The following HSPA12A variants were observed in gnomAD, a reference collection of about 807,000 sequenced individuals.
HSPA12A encodes heat shock protein family A (Hsp70) member 12A, also known as heat shock 70 kDa protein 12A.
HSPA12A carries 28 observed loss-of-function variants against 69.2 expected under a neutral mutation model. The observed-to-expected ratio is 0.40, with a 90% CI of 0.30 to 0.55. The LOEUF is 0.55. HSPA12A is among the 20% of genes least tolerant of loss of function. The pLI is 0.38. For synonymous variants in HSPA12A, 345 were observed against 370.5 expected (o/e 0.93, Z 0.79); for missense variants, 686 against 900.7 (o/e 0.76, Z 3.05).
chr10:116,758,189 G>T lies in HSPA12A; in HGVS notation c.92-50904C>A, dbSNP rs187126009. On this transcript the variant is annotated intron_variant, in intron 2 of 12. Transcript: ENST00000635765. ...TAGGTACCTAACAGCCTTCAGCGAA[G>T]GTACCTTGATACATGGATTTCAGTC... is the stretch of plus-strand genomic sequence containing the variant. Among the ~76,000 whole-genome samples the T allele has an allele frequency of 4.3e-4, 66 of 152,266 alleles. No homozygotes were observed. The Middle Eastern group carries it at 0.01, about 24-fold the overall frequency.
chr10:116,683,752 G>T (rs3740575), intron 7 of HSPA12A, 39 bp downstream of exon 7: 20,601 of 1,466,534 alleles, frequency 0.014, 495 homozygotes, highest in East Asian at 0.11. Context: ...GGCTTGGGAA[G>T]GAAGGAGAGC....
intron 1 of HSPA12A, among the ~76,000 whole-genome samples, chr10:116,843,091 A>C (rs1292816011): frequency 2.0e-5 from 3 of 152,200 alleles, no homozygotes; most frequent in African/African-American, 7.2e-5. Flanking sequence ...TGAACAAATG[A>C]CTGGAAGGCT....
Position 116,674,524 on chromosome 10 carries a change from T to C in HSPA12A, c.*257A>G. 1 of 523,236 alleles carries C rather than the reference T, an allele frequency of 1.9e-6. No homozygotes were observed. The highest frequency in any genetic ancestry group is 2.3e-5 in the South Asian group (1 of 42,718). The allele number at this position is 523,236 out of a possible 1,614,324, so 32.4% of individuals were successfully genotyped here. A position where few individuals can be genotyped will look rare whatever the true frequency, so the allele number is the denominator to read the frequency against. On this transcript the variant is annotated 3_prime_UTR_variant, in exon 12 of 12. Transcript: ENST00000369209. ...TTCTCCGTGGCCATTTCACCACTTT[T>C]GTACCTATGAAAACTAGCTGCTCCT...
chr10:116,793,024 T>C (rs980221941), intron 2 of HSPA12A, among the ~76,000 whole-genome samples: 1 of 152,204 alleles, frequency 6.6e-6, no homozygotes. Flanking sequence ...ATGATTCATT[T>C]GATGTGCTGT....
At chr10:116,767,386 C>T (rs1425204671) in intron 2 of HSPA12A, among the ~76,000 whole-genome samples, 4 of 152,182 alleles carry the variant, frequency 2.6e-5, no homozygotes, top group African/African-American at 4.8e-5. Flanking sequence ...TGCAGACAAG[C>T]AGCACTGTCC....
upstream of HSPA12A, among the ~76,000 whole-genome samples, chr10:116,744,350 C>T (rs900667309): frequency 3.3e-5 from 5 of 152,226 alleles, no homozygotes. Context: ...GCCAGGGGGG[C>T]CCTCCTCAGT....
intron 2 of HSPA12A, among the ~76,000 whole-genome samples, chr10:116,817,029 A>C (rs981661167): frequency 2.0e-5 from 3 of 152,200 alleles, no homozygotes; most frequent in Non-Finnish European, 4.4e-5. Flanking sequence ...AGTTTGCTGG[A>C]ATCATCTGGA....
chr10:116,795,273 G>T (rs1204567913), intron 2 of HSPA12A, among the ~76,000 whole-genome samples: 2 of 152,114 alleles, frequency 1.3e-5, no homozygotes, highest in East Asian at 3.8e-4. Context: ...GATTTTCAGT[G>T]TACTTGGGCA....
intron 2 of HSPA12A, among the ~76,000 whole-genome samples, chr10:116,780,186 G>A (rs1844433306): frequency 6.6e-6 from 1 of 152,148 alleles, no homozygotes; most frequent in African/African-American, 2.4e-5. Context: ...ACCATACCTG[G>A]AGCTAGTCTA....
chr10:116,762,928 C>T (rs1054420099), intron 2 of HSPA12A, among the ~76,000 whole-genome samples: 1 of 152,172 alleles, frequency 6.6e-6, no homozygotes, highest in Admixed American at 6.5e-5. Context: ...GGGAAGTCTT[C>T]CCTGGTAATC....
chr10:116,757,845 G>C (rs1195385240), intron 2 of HSPA12A, among the ~76,000 whole-genome samples: 2 of 152,180 alleles, frequency 1.3e-5, no homozygotes, highest in Non-Finnish European at 2.9e-5. Context: ...CGACCTATTA[G>C]AATGGCCACA....
chr10:116,681,060 G>A (rs1024814466), intron 9 of HSPA12A, 92 bp downstream of exon 9: 70 of 842,002 alleles, frequency 8.3e-5, no homozygotes, highest in Admixed American at 5.6e-4. Context: ...TGGCATTCAA[G>A]AGAATAAAAC....
At chr10:116,776,402 C>G (rs1352506094) in intron 2 of HSPA12A, among the ~76,000 whole-genome samples, 1 of 152,238 alleles carries the variant, frequency 6.6e-6, no homozygotes, top group East Asian at 1.9e-4. Flanking sequence ...GAACTCACTT[C>G]CATTGTATCC....
intron 1 of HSPA12A, among the ~76,000 whole-genome samples, chr10:116,725,510 C>T (rs545072783): frequency 3.3e-5 from 5 of 152,240 alleles, no homozygotes; most frequent in East Asian, 3.9e-4. Flanking sequence ...AAGGGGCAGG[C>T]GAGCAGGGGA....
At position 116,699,781 on chromosome 10, in the gene HSPA12A, C is replaced by A. The variant is rs576466180; in HGVS notation, c.442-1042G>T. 9.1e-4 allele frequency among the ~76,000 whole-genome samples: 139 copies of A among 152,352 alleles called. 2 individuals are homozygous for A. In the South Asian group the frequency reaches 0.026, roughly 29 times the overall value. On this transcript the variant is annotated intron_variant, in intron 4 of 11. Coordinates refer to ENST00000369209, the MANE Select transcript of HSPA12A (RefSeq NM_025015.3). ...AAATCCCTGTGCTTCCTTCCACCTG[C>A]CATCCTGATACTCAGCATTGAATCC... is the stretch of plus-strand genomic sequence containing the variant.
At chr10:116,759,006 CTTGT>C (rs1260999453) in intron 2 of HSPA12A, among the ~76,000 whole-genome samples, 3 of 152,188 alleles carry the variant, frequency 2.0e-5, no homozygotes, top group Non-Finnish European at 4.4e-5. Flanking sequence ...AGACAGCCGG[CTTGT>C]TTCAGATTCT....
chr10:116,714,494 C>A (rs1850545520), intron 1 of HSPA12A, among the ~76,000 whole-genome samples: 1 of 152,186 alleles, frequency 6.6e-6, no homozygotes, highest in South Asian at 2.1e-4. Context: ...TAAGTCACCA[C>A]TACAGCCTTG....
intron 1 of HSPA12A, among the ~76,000 whole-genome samples, chr10:116,837,614 A>T (rs1845737570): frequency 6.6e-6 from 1 of 152,016 alleles, no homozygotes; most frequent in Non-Finnish European, 1.5e-5. Context: ...CCATAGCTGA[A>T]CATATGTGCA....
chr10:116,745,379 C>G (rs1355220692), upstream of HSPA12A, among the ~76,000 whole-genome samples: 1 of 152,198 alleles, frequency 6.6e-6, no homozygotes, highest in Admixed American at 6.5e-5. Flanking sequence ...GGAGGTTGCT[C>G]TGTACCAAGT....
Sources: allele counts gnomAD v4.1 joint callset (sites outside exome capture counted in the v4.1 genomes callset), GRCh38; gene constraint gnomAD v4.1.1; transcripts MANE v1.5; gene names NCBI Gene and HGNC (gene_info 2026-07-23, HGNC 2026-07-21).